WWOX: variants seen among roughly 807,000 people sequenced by gnomAD.
WWOX encodes the protein WW domain-containing oxidoreductase.
A neutral mutation model predicts 46.2 loss-of-function variants in WWOX; 69 were observed. The ratio of observed to expected loss-of-function variants is 1.49; its 90% CI spans 1.23 to 1.82. The LOEUF (loss-of-function observed/expected upper bound fraction) is 1.82. Among genes scored for constraint, WWOX ranks in the 40% most tolerant of loss-of-function variants. WWOX has a pLI of 0.00. For synonymous variants in WWOX, 359 were observed against 202.6 expected, an observed-to-expected ratio of 1.77 and a Z score of -6.56; for missense variants, 919 against 542.6, an observed-to-expected ratio of 1.69 and a Z score of -6.89.
intron 8 of WWOX, among the ~76,000 whole-genome samples, chr16:78,935,167 C>T (rs1004534986): frequency 1.3e-5 from 2 of 152,118 alleles, no homozygotes; most frequent in Admixed American, 6.6e-5. Flanking sequence ...GACTGTAAAC[C>T]AGTTCAACCA....
At chr16:78,771,439 C>A (rs565798876) in intron 8 of WWOX, among the ~76,000 whole-genome samples, 4 of 152,170 alleles carry the variant, frequency 2.6e-5, no homozygotes, top group Admixed American at 2.0e-4. Context: ...TGTTCAACAT[C>A]ATGAGTGTAA....
chr16:78,619,672 A>C (rs550872959), intron 8 of WWOX, among the ~76,000 whole-genome samples: 7 of 151,962 alleles, frequency 4.6e-5, no homozygotes, highest in African/African-American at 9.7e-5. Context: ...CGGGAGTCCA[A>C]GGTAGGAGGG....
At chr16:78,926,669 A>G (rs554544627) in intron 8 of WWOX, among the ~76,000 whole-genome samples, 9 of 152,322 alleles carry the variant, frequency 5.9e-5, no homozygotes, top group African/African-American at 2.2e-4. Context: ...TATGACCTTT[A>G]TCATTTGTTC....
chr16:78,455,329 A>G (rs1026617798), intron 8 of WWOX, among the ~76,000 whole-genome samples: 1 of 152,066 alleles, frequency 6.6e-6, no homozygotes, highest in Non-Finnish European at 1.5e-5. Context: ...AAGATAAATG[A>G]TATTCTAATC....
At chr16:78,633,710 A>C (rs1048811034) in intron 8 of WWOX, among the ~76,000 whole-genome samples, 1 of 151,988 alleles carries the variant, frequency 6.6e-6, no homozygotes, top group Non-Finnish European at 1.5e-5. Flanking sequence ...GTGAAGTGCA[A>C]AGTTGGGCTG....
intron 8 of WWOX, among the ~76,000 whole-genome samples, chr16:79,150,331 C>T (rs1362402115): frequency 6.6e-6 from 1 of 152,164 alleles, no homozygotes; most frequent in East Asian, 1.9e-4. Context: ...ACTCATGCAT[C>T]AGGAACTTGG....
intron 8 of WWOX, among the ~76,000 whole-genome samples, chr16:78,446,433 C>T (rs146230966): frequency 3.3e-5 from 5 of 152,242 alleles, no homozygotes; most frequent in Non-Finnish European, 7.4e-5. Flanking sequence ...GCGGTTGTTG[C>T]AAGGACTAAA....
At chr16:78,547,791 G>C (rs1406782401) in intron 8 of WWOX, among the ~76,000 whole-genome samples, 3 of 151,936 alleles carry the variant, frequency 2.0e-5, no homozygotes, top group African/African-American at 7.3e-5. Flanking sequence ...ATTCATGAAG[G>C]CTTTGCCTCA....
At chr16:78,462,242 C>CTTT (rs113100708) in intron 8 of WWOX, among the ~76,000 whole-genome samples, 2 of 147,038 alleles carry the variant, frequency 1.4e-5, no homozygotes, top group African/African-American at 5.0e-5. Flanking sequence ...TGCTCACGCT[C>CTTT]TTTTTTTTTT....
intron 8 of WWOX, among the ~76,000 whole-genome samples, chr16:78,546,898 G>T (rs895372639): frequency 2.0e-5 from 3 of 152,012 alleles, no homozygotes; most frequent in African/African-American, 4.8e-5. Context: ...AGGCTGAGGC[G>T]GGTGGATCAC....
chr16:78,419,933 A>G (rs1014097290), intron 6 of WWOX, among the ~76,000 whole-genome samples: 1 of 152,148 alleles, frequency 6.6e-6, no homozygotes, highest in Non-Finnish European at 1.5e-5. Flanking sequence ...AACTTTTACA[A>G]TTCAATAATG....
chr16:78,598,135 A>T (rs974409847), intron 8 of WWOX, among the ~76,000 whole-genome samples: 1 of 152,186 alleles, frequency 6.6e-6, no homozygotes, highest in South Asian at 2.1e-4. Context: ...TGGATTTTCT[A>T]CAAGCTGAGG....
chr16:78,612,796 A>T (rs117536545), intron 8 of WWOX, among the ~76,000 whole-genome samples: 2 of 152,160 alleles, frequency 1.3e-5, no homozygotes, highest in African/African-American at 4.8e-5. Context: ...TTTTTCACCT[A>T]CAAAATGAAG....
At chr16:78,632,003 A>T (rs1239986729) in intron 8 of WWOX, among the ~76,000 whole-genome samples, 1 of 149,522 alleles carries the variant, frequency 6.7e-6, no homozygotes, top group East Asian at 1.9e-4. Flanking sequence ...CAAAGTTGAC[A>T]ACCTGATTTC....
rs188585056 is a variant in WWOX, at chr16:78,869,171, C to G, written c.1057-342437C>G. 4.6e-5 allele frequency among the ~76,000 whole-genome samples: 7 copies of G among 152,172 alleles called. No individual in the cohort carries two copies. The South Asian group carries it at 1.5e-3, about 32-fold the overall frequency. ...AAATTGTATATACGTTTTAGTCAAC[C>G]ATCAGCTGACTTATTCATGTTCTGT... On this transcript the variant is annotated intron_variant, in intron 8 of 8. Coordinates refer to ENST00000566780, the MANE Select transcript of WWOX (RefSeq NM_016373.4).
intron 8 of WWOX, among the ~76,000 whole-genome samples, chr16:78,582,153 T>C (rs889068936): frequency 2.6e-5 from 4 of 152,192 alleles, no homozygotes; most frequent in Admixed American, 6.5e-5. Context: ...TGTACAGTTA[T>C]ATGTTCAGCA....
chr16:78,353,792 A>C (rs1345155735), intron 5 of WWOX, among the ~76,000 whole-genome samples: 1 of 152,180 alleles, frequency 6.6e-6, no homozygotes, highest in Non-Finnish European at 1.5e-5. Context: ...CAGGATCTGC[A>C]AGGTCAGCAG....
intron 8 of WWOX, among the ~76,000 whole-genome samples, chr16:78,700,192 T>C (rs1301603185): frequency 1.3e-5 from 2 of 151,966 alleles, no homozygotes; most frequent in Non-Finnish European, 2.9e-5. Context: ...TTTTTTTTTT[T>C]TCTCCCAGTT....
chr16:78,985,684 G>A (rs141253036), intron 8 of WWOX, among the ~76,000 whole-genome samples: 1,584 of 152,304 alleles, frequency 0.01, 32 homozygotes, highest in African/African-American at 0.036. Flanking sequence ...CAGGAGAATT[G>A]CTTGAATCCA....
Sources: gnomAD v4.1 joint callset for allele counts (sites outside exome capture counted in the v4.1 genomes callset) on GRCh38, gnomAD v4.1.1 for gene constraint, MANE v1.5 for transcripts, NCBI Gene and HGNC (gene_info 2026-07-23, HGNC 2026-07-21) for gene names.